The following ABCA7 variants were observed in gnomAD, a reference collection of about 807,000 sequenced individuals.
The protein encoded by ABCA7 is ATP binding cassette subfamily A member 7.
In ABCA7, 261 loss-of-function variants were observed where a neutral mutation model predicts 227.6. The ratio of observed to expected loss-of-function variants is 1.15; its 90% CI spans 1.04 to 1.27. The LOEUF is 1.27. ABCA7 is among the 50% of genes most tolerant of loss of function. The pLI, the probability that ABCA7 is intolerant of heterozygous loss-of-function variation, is 0.00. For missense variants in ABCA7, 3,331 were observed against 2,924.5 expected (o/e 1.14, Z -3.21); for synonymous variants, 1,488 against 1,279.7 (o/e 1.16, Z -3.47).
At position 1,057,002 on chromosome 19, in the gene ABCA7, G is replaced by T; in HGVS notation, c.4682G>T (p.Arg1561Leu). 1 of 1,613,884 alleles carries T rather than the reference G, an allele frequency of 6.2e-7. No individual in the cohort carries two copies. The highest frequency in any genetic ancestry group is 1.3e-5 in the African/African-American group (1 of 75,040). The change falls in exon 34 of 47, where the codon CGA (arginine) becomes CTA (leucine). Residue 1561 changes from arginine (R) to leucine (L), a missense_variant. Transcript: ENST00000263094. ...TTCACTCTTGTCCTCATTGAGGAGC[G>T]AGTCACCCGAGCCAAGCACCTGCAG... ...ASFTLVLIEERVTRAKHLQLM... is the reference protein window; with the variant it reads ...ASFTLVLIEELVTRAKHLQLM...
chr19:1,065,297 G>A lies in ABCA7; in HGVS notation c.6313G>A (p.Gly2105Arg). The change falls in exon 47 of 47, where the codon GGG (glycine) becomes AGG (arginine). Residue 2105 changes from glycine to arginine, a missense_variant. Coordinates refer to ENST00000263094, the MANE Select transcript of ABCA7 (RefSeq NM_019112.4). ...EVFLYFSKDQ[G>R]KDEDTEEQKE... Reference sequence around the variant, plus strand: ...ATTCTTGTACTTCTCCAAGGACCAGGGGAAGGACGAGGACACCGAAGAGCA... The same window carrying A: ...ATTCTTGTACTTCTCCAAGGACCAGAGGAAGGACGAGGACACCGAAGAGCA... 1 of 1,613,518 alleles carries A rather than the reference G, an allele frequency of 6.2e-7. No individual in the cohort carries two copies. Among genetic ancestry groups the A allele is most frequent in the South Asian group, 1.1e-5 (1 of 91,086 alleles).
chr19:1,042,856 A>G lies in ABCA7; in HGVS notation c.579+30A>G, dbSNP rs771240968. 3 of 1,540,672 alleles carry G rather than the reference A, an allele frequency of 1.9e-6. No homozygotes were observed. The South Asian group carries it at 3.7e-5, about 19-fold the overall frequency. ...GAGGCCCCACTCATCCTCAACCCCC[A>G]TGGAGGCAACGTTGGCAGGCAGCCT... On this transcript the variant is annotated intron_variant, in intron 7 of 46. Transcript: ENST00000263094.
At chr19:1,046,738 A>ATG (rs2040717233) in intron 13 of ABCA7, 64 bp from the exon 14 acceptor site, 1 of 1,461,450 alleles carries the variant, frequency 6.8e-7, no homozygotes, top group Non-Finnish European at 9.2e-7. Flanking sequence ...GTCGTGCCAG[A>ATG]TGGTGGGCGG....
intron 9 of ABCA7, 43 bp downstream of exon 9, chr19:1,043,516 A>G: frequency 6.2e-7 from 1 of 1,612,696 alleles, no homozygotes; most frequent in Non-Finnish European, 8.5e-7. Context: ...TGGTGGCCAG[A>G]GCCCATCCAG....
intron 16 of ABCA7, among the ~76,000 whole-genome samples, chr19:1,048,374 G>C (rs932191845): frequency 6.6e-6 from 1 of 151,136 alleles, no homozygotes; most frequent in Non-Finnish European, 1.5e-5. Flanking sequence ...GCGGGTGCCT[G>C]TTTCCTAGCT....
At position 1,043,185 on chromosome 19, in the gene ABCA7, G is replaced by C. The variant is rs376474803; in HGVS notation, c.724G>C (p.Glu242Gln). The C allele has an allele frequency of 1.2e-5, 20 of 1,610,212 alleles. No individual in the cohort carries two copies. Among genetic ancestry groups the C allele is most frequent in the Non-Finnish European group, 1.6e-5 (19 of 1,177,930 alleles). ...AGTGGGCCCCTCCCTCAACTGGTAC[G>C]AGGCTAGTGACCTGATGGAGCTGGT... is the stretch of plus-strand genomic sequence containing the variant. ...STVGPSLNWY[E>Q]ASDLMELVGQ... Residue 242 changes from glutamate to glutamine, a missense_variant, in exon 8 of 47, where the codon GAG becomes CAG. Glu to Gln is a conservative substitution (Grantham distance 29). Transcript: ENST00000263094.
At chr19:1,044,921 C>A (rs983996048) in intron 11 of ABCA7, 81 bp from the exon 12 acceptor site, 2 of 1,544,866 alleles carry the variant, frequency 1.3e-6, no homozygotes, top group Non-Finnish European at 8.8e-7. Flanking sequence ...ATGGCCCAGC[C>A]CCGAGGTCCA....
chr19:1,057,477 C>T (rs776440000), intron 35 of ABCA7, 48 bp downstream of exon 35: 75 of 1,520,358 alleles, frequency 4.9e-5, no homozygotes, highest in Non-Finnish European at 4.4e-5. Flanking sequence ...CCCCTTACTG[C>T]CTTCCACATT....
Position 1,049,369 on chromosome 19 carries a change from C to A in ABCA7, c.2484C>A (p.Ser828Arg), listed in dbSNP as rs765794493. ...GSPQPALRGL[S>R]LDFYQGHITA... is the part of the protein sequence containing the mutation. The stretch of plus-strand genomic sequence containing the variant: ...CGCAGCCAGCCCTGCGGGGGCTCAG[C>A]CTGGACTTCTACCAGGGCCACATCA... Residue 828 changes from serine to arginine, a missense_variant, in exon 18 of 47, where the codon AGC (serine) becomes AGA (arginine). Ser to Arg is a moderately radical substitution (Grantham distance 110). Coordinates refer to ENST00000263094, the MANE Select transcript of ABCA7 (RefSeq NM_019112.4). The A allele has an allele frequency of 1.2e-6, 2 of 1,611,446 alleles. No individual in the cohort carries two copies. Among genetic ancestry groups the A allele is most frequent in the Non-Finnish European group, 1.7e-6 (2 of 1,179,160 alleles).
rs748505252 is a variant in ABCA7, at chr19:1,047,310, C to T, written c.1999C>T (p.Leu667Phe). ...AACGGLAYFS[L>F]YLPYVLCVAW... ...CTGCGGCGGCCTGGCCTACTTCTCC[C>T]TCTACCTGCCCTACGTGCTGTGTGT... is the stretch of plus-strand genomic sequence containing the variant. The change falls in exon 15 of 47, where the codon CTC (leucine) becomes TTC (phenylalanine). Residue 667 changes from leucine (L) to phenylalanine (F), a missense_variant. Physicochemically the swap from Leu to Phe is conservative, Grantham distance 22. Transcript: ENST00000263094. 25 of 1,603,878 alleles carry T rather than the reference C, an allele frequency of 1.6e-5. 1 individual carries two copies. Among genetic ancestry groups the T allele is most frequent in the South Asian group, 3.3e-5 (3 of 90,782 alleles).
rs368018834 is a variant in ABCA7 at position 1,054,644 on chromosome 19, G to A, written c.3801G>A (p.Pro1267=). Residue 1267 remains proline, a synonymous_variant, in exon 28 of 47, where the codon CCG becomes CCA. Transcript: ENST00000263094. The surrounding 1 kb of genome is among the most constrained non-coding windows in gnomAD (Gnocchi z 4.8). The part of the protein sequence containing the change: ...SLIVPPFGHY[P]ALRLSPTMYG... Reference sequence around the variant, plus strand: ...TCGTGCCTCCTTTCGGGCACTACCCGGCTCTGCGGCTCAGTCCCACCATGT... The same window carrying A: ...TCGTGCCTCCTTTCGGGCACTACCCAGCTCTGCGGCTCAGTCCCACCATGT... 48 of 1,613,224 alleles carry A rather than the reference G, an allele frequency of 3.0e-5. No homozygotes were observed. The highest frequency in any genetic ancestry group is 1.6e-4 in the Middle Eastern group (1 of 6,080).
chr19:1,054,211 C>G lies in ABCA7; in HGVS notation c.3596C>G (p.Thr1199Ser), dbSNP rs1315898686. The change falls in exon 27 of 47, where the codon ACT (threonine) becomes AGT (serine). Residue 1199 changes from threonine (T) to serine (S), a missense_variant. Thr to Ser is a moderately conservative substitution (Grantham distance 58). Transcript: ENST00000263094. This position sits in a 1 kb window ranked among gnomAD's most constrained non-coding sequence, Gnocchi z 4.8. Reference protein sequence around the residue: ...NGEPAGSAPETDQGSGPDAVG... With the variant: ...NGEPAGSAPESDQGSGPDAVG... ...CTCACAGCTGGGTCAGCCCCAGAGA[C>G]TGACCAGGGCTCTGGGCCAGACGCC... 1 of 1,608,232 alleles carries G rather than the reference C, an allele frequency of 6.2e-7. No homozygotes were observed. The highest frequency in any genetic ancestry group is 8.5e-7 in the Non-Finnish European group (1 of 1,176,912).
At position 1,041,936 on chromosome 19, in the gene ABCA7, A is replaced by C. The variant is rs370464878; in HGVS notation, c.266A>C (p.Glu89Ala). 84 of 1,595,798 alleles carry C rather than the reference A, an allele frequency of 5.3e-5. No homozygotes were observed. Among genetic ancestry groups the C allele is most frequent in the Non-Finnish European group, 4.2e-5 (49 of 1,176,284 alleles). Residue 89 changes from glutamate to alanine, a missense_variant, in exon 4 of 47, where the codon GAG (glutamate) becomes GCG (alanine). Coordinates refer to ENST00000263094, the MANE Select transcript of ABCA7 (RefSeq NM_019112.4). ...NTCFPQLTPG[E>A]EPGRLSNFND... Reference sequence around the variant, plus strand: ...TGCTTTCCGCAGCTGACACCGGGCGAGGAGCCCGGGCGCCTGAGCAACTTC... The same window carrying C: ...TGCTTTCCGCAGCTGACACCGGGCGCGGAGCCCGGGCGCCTGAGCAACTTC...
At chr19:1,047,047 G>A (rs371514325) in intron 14 of ABCA7, 23 bp downstream of exon 14, 8 of 1,552,066 alleles carry the variant, frequency 5.2e-6, no homozygotes, top group South Asian at 3.5e-5. Context: ...CGGCCTGCCC[G>A]GCTGCAGAAT....
At position 1,054,393 on chromosome 19, in the gene ABCA7, C is replaced by G; in HGVS notation, c.3726+52C>G. 1 of 1,559,558 alleles carries G rather than the reference C, an allele frequency of 6.4e-7. No individual in the cohort carries two copies. The highest frequency in any genetic ancestry group is 8.7e-7 in the Non-Finnish European group (1 of 1,155,992). Reference sequence around the variant, plus strand: ...GCATGGGAGTCCCTGAGTTCCCTACCCTGGCCGTCCACTCAGTGGCCTAAT... The same window carrying G: ...GCATGGGAGTCCCTGAGTTCCCTACGCTGGCCGTCCACTCAGTGGCCTAAT... On this transcript the variant is annotated intron_variant, in intron 27 of 46. Transcript: ENST00000263094. This position sits in a 1 kb window ranked among gnomAD's most constrained non-coding sequence, Gnocchi z 4.8.
In ABCA7 at chr19:1,046,349, A is replaced by AC. The variant is rs1194065698; in HGVS notation, c.1570dup (p.Arg524ProfsTer240). ...GCCGTCCGCGTGCTCAGCGGCGCCAACCCCCGGGCCGGCCTCTACCTGCAG... is the reference window on the plus strand; with the variant it reads ...GCCGTCCGCGTGCTCAGCGGCGCCAACCCCCCGGGCCGGCCTCTACCTGCAG... On this transcript the variant is annotated frameshift_variant, in exon 13 of 47. Coordinates refer to ENST00000263094, the MANE Select transcript of ABCA7 (RefSeq NM_019112.4). LOFTEE classifies it high-confidence loss of function. 3 of 1,597,804 alleles carry AC rather than the reference A, an allele frequency of 1.9e-6. No homozygotes were observed. The highest frequency in any genetic ancestry group is 1.7e-6 in the Non-Finnish European group (2 of 1,176,626).
intron 11 of ABCA7, 79 bp downstream of exon 11, chr19:1,044,823 CA>C: frequency 2.0e-6 from 3 of 1,513,470 alleles, no homozygotes; most frequent in Non-Finnish European, 1.8e-6. Context: ...CTGGTGTTCC[CA>C]GGGGGAGGCG....
In ABCA7 at chr19:1,065,452, G is replaced by T; in HGVS notation, c.*27G>T. On this transcript the variant is annotated 3_prime_UTR_variant, in exon 47 of 47. Transcript: ENST00000263094. ...CCTCCCTCCCCTGCGGGGCCGCGGG[G>T]AGGCCCTGGGAATGGCAAGGGCAAG... The T allele has an allele frequency of 6.2e-7, 1 of 1,611,304 alleles. No homozygotes were observed.
chr19:1,065,201 G>A (rs1218982392), intron 46 of ABCA7, 30 bp downstream of exon 46: 2 of 1,596,866 alleles, frequency 1.3e-6, no homozygotes, highest in East Asian at 2.2e-5. Flanking sequence ...CGGGCTGGGG[G>A]AGGCAGGCTG....
Sources: gnomAD v4.1 joint callset for allele counts (sites outside exome capture counted in the v4.1 genomes callset) on GRCh38, gnomAD v4.1.1 for gene constraint, Gnocchi (gnomAD v3.1) non-coding constraint, MANE v1.5 for transcripts, NCBI Gene and HGNC (gene_info 2026-07-23, HGNC 2026-07-21) for gene names.